PPP2R2B: variants seen among roughly 807,000 people sequenced by gnomAD.
PPP2R2B encodes the protein serine/threonine-protein phosphatase 2A 55 kDa regulatory subunit B beta isoform.
PPP2R2B carries 5 observed loss-of-function variants against 46.0 expected under a neutral mutation model. The ratio of observed to expected loss-of-function variants is 0.11; its 90% confidence interval spans 0.06 to 0.23. PPP2R2B has a LOEUF of 0.23. Among genes scored for constraint, PPP2R2B ranks in the 10% least tolerant of loss-of-function variants. The pLI, the probability that PPP2R2B is intolerant of heterozygous loss-of-function variation, is 1.00. For missense variants in PPP2R2B, 367 were observed against 575.0 expected (o/e 0.64, Z 3.70); for synonymous variants, 215 against 206.7 (o/e 1.04, Z -0.34).
intron 7 of PPP2R2B, chr5:146,616,974 T>C (rs965038336): frequency 6.6e-6 from 1 of 152,324 alleles, no homozygotes; most frequent in Admixed American, 6.5e-5. Context: ...GCAACCTAAG[T>C]GTTCACCAAC....
In PPP2R2B at chr5:146,588,661, A is replaced by AAGTT; in HGVS notation, c.*1282_*1285dup. 6.6e-6 allele frequency: 1 copy of AAGTT among 152,282 alleles called. No homozygotes were observed. Among genetic ancestry groups the AAGTT allele is most frequent in the South Asian group, 2.1e-4 (1 of 4,830 alleles). The allele number at this position is 152,282 out of a possible 1,614,324, so 9.4% of individuals were successfully genotyped here. A position where few individuals can be genotyped will look rare whatever the true frequency, so the allele number is the denominator to read the frequency against. ...GAACCTTCTGGAAATGGCTTTCTAGAAGTTATAAATCTGGATCCTCAACTG... is the reference window on the plus strand; with the variant it reads ...GAACCTTCTGGAAATGGCTTTCTAGAAGTTAGTTATAAATCTGGATCCTCAACTG... On this transcript the variant is annotated 3_prime_UTR_variant, in exon 10 of 10. Transcript: ENST00000394411.
chr5:146,873,498 C>T (rs1761727837), intron 2 of PPP2R2B, among the ~76,000 whole-genome samples: 1 of 152,116 alleles, frequency 6.6e-6, no homozygotes. Flanking sequence ...TGATCTGGTC[C>T]CTGAATACTT....
intron 2 of PPP2R2B, among the ~76,000 whole-genome samples, chr5:146,763,559 C>T (rs950735127): frequency 6.6e-6 from 1 of 152,178 alleles, no homozygotes. Context: ...TTTTCTGCTG[C>T]TCATAAGGAG....
At chr5:146,938,255 T>C (rs761963549) in intron 1 of PPP2R2B, among the ~76,000 whole-genome samples, 7 of 152,202 alleles carry the variant, frequency 4.6e-5, no homozygotes, top group Non-Finnish European at 1.0e-4. Flanking sequence ...TGATTTCAGA[T>C]ATATTAAATG....
chr5:146,758,889 T>A (rs1753992479), intron 2 of PPP2R2B, among the ~76,000 whole-genome samples: 1 of 152,146 alleles, frequency 6.6e-6, no homozygotes, highest in African/African-American at 2.4e-5. Flanking sequence ...GACCCCTAGG[T>A]TTTTTTACTT....
At chr5:147,044,183 T>G (rs1481952532) in intron 1 of PPP2R2B, among the ~76,000 whole-genome samples, 1 of 152,098 alleles carries the variant, frequency 6.6e-6, no homozygotes, top group Non-Finnish European at 1.5e-5. Flanking sequence ...CTCATTCTCA[T>G]GTTGAGTTTT....
chr5:147,065,350 G>A (rs985002477), intron 2 of PPP2R2B, among the ~76,000 whole-genome samples: 4 of 152,134 alleles, frequency 2.6e-5, no homozygotes, highest in African/African-American at 9.7e-5. Context: ...GAGACAGTAT[G>A]TGTGTAGTGC....
chr5:147,050,868 G>A (rs1756778667), intron 1 of PPP2R2B, among the ~76,000 whole-genome samples: 1 of 148,618 alleles, frequency 6.7e-6, no homozygotes, highest in Non-Finnish European at 1.5e-5. Flanking sequence ...CATGCTTCCG[G>A]GTGTCACTGG....
At chr5:146,745,599 C>T (rs1328848274) in intron 2 of PPP2R2B, among the ~76,000 whole-genome samples, 1 of 152,076 alleles carries the variant, frequency 6.6e-6, no homozygotes, top group Non-Finnish European at 1.5e-5. Flanking sequence ...CTTCAGTTTC[C>T]CCACATAAAC....
intron 7 of PPP2R2B, among the ~76,000 whole-genome samples, chr5:146,635,752 C>T (rs1298275619): frequency 6.6e-6 from 1 of 152,218 alleles, no homozygotes; most frequent in African/African-American, 2.4e-5. Flanking sequence ...TTCCATCCAT[C>T]CCCATTCCCA....
At chr5:146,936,954 C>A (rs905616795) in intron 1 of PPP2R2B, among the ~76,000 whole-genome samples, 1 of 150,410 alleles carries the variant, frequency 6.6e-6, no homozygotes, top group East Asian at 2.0e-4. Flanking sequence ...CCAAATCATT[C>A]TTCGAACTAG....
At chr5:146,927,650 A>T (rs1763822735) in intron 1 of PPP2R2B, among the ~76,000 whole-genome samples, 1 of 152,068 alleles carries the variant, frequency 6.6e-6, no homozygotes, top group African/African-American at 2.4e-5. Flanking sequence ...CACTAACCCT[A>T]GACATGGTCT....
chr5:146,999,173 T>C (rs1186532532), intron 1 of PPP2R2B, among the ~76,000 whole-genome samples: 1 of 152,186 alleles, frequency 6.6e-6, no homozygotes, highest in Non-Finnish European at 1.5e-5. Context: ...CTAGCTGCTA[T>C]GGACTCAGTG....
intron 6 of PPP2R2B, among the ~76,000 whole-genome samples, chr5:146,640,309 C>T (rs138092514): frequency 5.9e-5 from 9 of 152,306 alleles, no homozygotes; most frequent in East Asian, 3.9e-4. Context: ...CTTGGGTCTC[C>T]GGGGCATGTG....
intron 1 of PPP2R2B, among the ~76,000 whole-genome samples, chr5:146,896,321 A>C (rs1314823342): frequency 1.3e-5 from 2 of 152,152 alleles, no homozygotes; most frequent in Non-Finnish European, 2.9e-5. Flanking sequence ...GGTATTATTA[A>C]CTATCATTGA....
intron 2 of PPP2R2B, among the ~76,000 whole-genome samples, chr5:146,770,439 A>G (rs1332219781): frequency 2.0e-5 from 3 of 151,880 alleles, no homozygotes; most frequent in Non-Finnish European, 4.4e-5. Context: ...TAATGATGTG[A>G]AATTGTTCAC....
intron 5 of PPP2R2B, among the ~76,000 whole-genome samples, chr5:146,656,185 G>C (rs898267742): frequency 1.3e-5 from 2 of 152,096 alleles, no homozygotes; most frequent in African/African-American, 4.8e-5. Context: ...GCTAGCAAGC[G>C]AGAGGTATGC....
Position 146,589,334 on chromosome 5 carries a change from T to C in PPP2R2B, c.*613A>G, listed in dbSNP as rs933538869. The C allele has an allele frequency of 1.3e-5, 2 of 152,796 alleles. No individual in the cohort carries two copies. The highest frequency in any genetic ancestry group is 2.1e-4 in the South Asian group (1 of 4,844). 9.5% of individuals were successfully genotyped at this position (152,796 alleles called of 1,614,324 possible). On this transcript the variant is annotated 3_prime_UTR_variant, in exon 10 of 10. Transcript: ENST00000394411. ...CTATGGAGCTTACAAAAAAAGAGCA[T>C]AGCAGGGTTGATGTGCCCTTTCCTT... is the stretch of plus-strand genomic sequence containing the variant.
In PPP2R2B at chr5:146,589,886, A is replaced by G; in HGVS notation, c.*61T>C. On this transcript the variant is annotated 3_prime_UTR_variant, in exon 10 of 10. Coordinates refer to ENST00000394411, the MANE Select transcript of PPP2R2B (RefSeq NM_181675.4). ...GCATCAAATGAAGACCCAAAGAAAC[A>G]TTTAAAAACTTGTTTGACTAGTATT... The G allele has an allele frequency of 1.3e-6, 2 of 1,508,340 alleles. No homozygotes were observed. The highest frequency in any genetic ancestry group is 2.3e-5 in the East Asian group (1 of 44,062). 93.4% of individuals were successfully genotyped at this position (1,508,340 alleles called of 1,614,324 possible). A position where few individuals can be genotyped will look rare whatever the true frequency, so the allele number is the denominator to read the frequency against.
Sources: allele counts gnomAD v4.1 joint callset (sites outside exome capture counted in the v4.1 genomes callset), GRCh38; gene constraint gnomAD v4.1.1; transcripts MANE v1.5; gene names NCBI Gene and HGNC (gene_info 2026-07-23, HGNC 2026-07-21).